The following TSHR variants were observed in gnomAD, a reference collection of about 807,000 sequenced individuals.
TSHR encodes thyrotropin receptor.
TSHR carries 51 observed loss-of-function variants against 64.1 expected under a neutral mutation model. The ratio of observed to expected loss-of-function variants is 0.80; its 90% CI spans 0.64 to 1.01. The LOEUF (loss-of-function observed/expected upper bound fraction) is 1.01. TSHR is among the 50% of genes least tolerant of loss of function. The pLI is 0.00. For missense variants in TSHR, 877 were observed against 942.8 expected, an observed-to-expected ratio of 0.93 and a Z score of 0.91; for synonymous variants, 361 against 361.9, an observed-to-expected ratio of 1.00 and a Z score of 0.03.
intron 1 of TSHR, among the ~76,000 whole-genome samples, chr14:80,989,734 T>A (rs1043081126): frequency 2.6e-5 from 4 of 152,194 alleles, no homozygotes; most frequent in Non-Finnish European, 5.9e-5. Flanking sequence ...TATAAAATCA[T>A]CGGATTTTAG....
In TSHR at chr14:81,146,110, T is replaced by A. The variant is rs1891918580; in HGVS notation, c.*1757T>A. On this transcript the variant is annotated 3_prime_UTR_variant, in exon 10 of 10. Coordinates refer to ENST00000298171, the MANE Select transcript of TSHR (RefSeq NM_000369.5). Reference sequence around the variant, plus strand: ...TGTAACTAATGAAATTAAACAAATGTGTTGCCTTTTGTCATGTGTTTCTCT... The same window carrying A: ...TGTAACTAATGAAATTAAACAAATGAGTTGCCTTTTGTCATGTGTTTCTCT... The A allele has an allele frequency of 4.4e-6, 1 of 228,830 alleles. No homozygotes were observed. The highest frequency in any genetic ancestry group is 8.7e-6 in the Non-Finnish European group (1 of 115,358). The allele number at this position is 228,830 out of a possible 1,614,324, so 14.2% of individuals were successfully genotyped here. A position where few individuals can be genotyped will look rare whatever the true frequency, so the allele number is the denominator to read the frequency against.
intron 7 of TSHR, among the ~76,000 whole-genome samples, chr14:81,100,387 T>C (rs1273263197): frequency 6.6e-6 from 1 of 152,190 alleles, no homozygotes; most frequent in Non-Finnish European, 1.5e-5. Flanking sequence ...TTTTCTACCA[T>C]CACACACTCA....
At chr14:81,092,011 CT>C (rs1888774351) in intron 5 of TSHR, among the ~76,000 whole-genome samples, 1 of 152,194 alleles carries the variant, frequency 6.6e-6, no homozygotes, top group Non-Finnish European at 1.5e-5. Context: ...ATTGATCATA[CT>C]TCTTTGTTGC....
chr14:81,104,374 G>A (rs1566815982), intron 7 of TSHR: 2 of 985,362 alleles, frequency 2.0e-6, no homozygotes, highest in Non-Finnish European at 2.4e-6. Flanking sequence ...CCCCATAAAG[G>A]GACTGTGGAG....
chr14:80,961,043 G>A (rs1351959126), intron 1 of TSHR, among the ~76,000 whole-genome samples: 1 of 152,246 alleles, frequency 6.6e-6, no homozygotes, highest in African/African-American at 2.4e-5. Context: ...GCTGGAGGTA[G>A]GAAGAGAAAG....
chr14:81,021,484 G>C (rs994200403), intron 1 of TSHR, among the ~76,000 whole-genome samples: 1 of 152,196 alleles, frequency 6.6e-6, no homozygotes, highest in Non-Finnish European at 1.5e-5. Flanking sequence ...GGGAAAGGGA[G>C]AAAGGAAAGG....
rs2140114247 is a variant in TSHR at position 81,144,222 on chromosome 14, CA to C, written c.2168del (p.Lys723ArgfsTer6). 6.2e-7 allele frequency: 1 copy of C among 1,613,276 alleles called. No homozygotes were observed. Among genetic ancestry groups the C allele is most frequent in the Non-Finnish European group, 8.5e-7 (1 of 1,179,498 alleles). On this transcript the variant is annotated frameshift_variant, in exon 10 of 10. Coordinates refer to ENST00000298171, the MANE Select transcript of TSHR (RefSeq NM_000369.5). LOFTEE classifies it high-confidence loss of function. Reference protein sequence around the residue: ...PPKNSTDIQVQKVTHEMRQGL... With the variant: ...PPKNSTDIQVXKVTHEMRQGL... ...AAAGAACAGCACTGATATTCAGGTT[CA>C]AAAGGTTACCCACGAGATGAGGCAG...
chr14:80,995,136 A>C (rs1316484932), intron 1 of TSHR: 1 of 152,212 alleles, frequency 6.6e-6, no homozygotes, highest in Admixed American at 6.5e-5. Flanking sequence ...CATATCACTG[A>C]TTATTGGAGA....
intron 8 of TSHR, among the ~76,000 whole-genome samples, chr14:81,114,151 A>C (rs1244452650): frequency 4.0e-5 from 6 of 150,484 alleles, no homozygotes; most frequent in Admixed American, 2.0e-4. Flanking sequence ...AAAAACCTAC[A>C]AAAAGTATCA....
intron 2 of TSHR, among the ~76,000 whole-genome samples, chr14:81,064,085 G>C (rs1402500798): frequency 6.6e-6 from 1 of 152,086 alleles, no homozygotes; most frequent in Non-Finnish European, 1.5e-5. Flanking sequence ...GCCATTCAAT[G>C]GTTTTAAGCA....
chr14:81,085,560 C>T (rs1159803008), intron 3 of TSHR, among the ~76,000 whole-genome samples: 1 of 152,142 alleles, frequency 6.6e-6, no homozygotes, highest in Non-Finnish European at 1.5e-5. Flanking sequence ...ATGTAAGTTG[C>T]CAGCCTCATT....
intron 8 of TSHR, chr14:81,108,675 A>G (rs754426818): frequency 1.9e-5 from 31 of 1,614,030 alleles, no homozygotes; most frequent in Non-Finnish European, 2.5e-5. Context: ...CCAGTATGCC[A>G]TCATGATGCC....
chr14:80,968,392 A>G (rs1396630335), intron 1 of TSHR, among the ~76,000 whole-genome samples: 1 of 142,980 alleles, frequency 7.0e-6, no homozygotes, highest in Non-Finnish European at 1.5e-5. Flanking sequence ...TTTTTTTTTT[A>G]TTCTTACAAG....
At chr14:81,100,582 AG>A (rs1889515340) in intron 7 of TSHR, among the ~76,000 whole-genome samples, 1 of 152,256 alleles carries the variant, frequency 6.6e-6, no homozygotes, top group Non-Finnish European at 1.5e-5. Context: ...TTCAGATGCC[AG>A]TCACAGCTCC....
chr14:81,088,074 G>C, intron 4 of TSHR, 46 bp downstream of exon 4: 1 of 1,457,168 alleles, frequency 6.9e-7, no homozygotes, highest in Non-Finnish European at 9.6e-7. Flanking sequence ...GGGGGAGGGG[G>C]TCAGATTTAA....
chr14:81,110,093 G>C (rs1231396458), intron 8 of TSHR, among the ~76,000 whole-genome samples: 1 of 152,000 alleles, frequency 6.6e-6, no homozygotes, highest in African/African-American at 2.4e-5. Context: ...CGATTTTCCT[G>C]ATAAAAAATT....
chr14:80,980,355 C>T (rs1007355690), intron 1 of TSHR, among the ~76,000 whole-genome samples: 2 of 152,110 alleles, frequency 1.3e-5, no homozygotes, highest in Non-Finnish European at 2.9e-5. Context: ...TTGGCTTTAA[C>T]TTAGGTTTCT....
chr14:81,057,680 G>T (rs1294720396), intron 1 of TSHR, among the ~76,000 whole-genome samples: 1 of 152,140 alleles, frequency 6.6e-6, no homozygotes, highest in Non-Finnish European at 1.5e-5. Flanking sequence ...AATACAAGAG[G>T]CCCTTAAGAT....
intron 1 of TSHR, among the ~76,000 whole-genome samples, chr14:80,976,842 T>C (rs983523195): frequency 1.3e-5 from 2 of 152,256 alleles, no homozygotes; most frequent in African/African-American, 4.8e-5. Flanking sequence ...ATGTGATAAG[T>C]GGACTCTCTC....
Sources: gnomAD v4.1 joint callset for allele counts (sites outside exome capture counted in the v4.1 genomes callset) on GRCh38, gnomAD v4.1.1 for gene constraint, MANE v1.5 for transcripts, NCBI Gene and HGNC (gene_info 2026-07-23, HGNC 2026-07-21) for gene names.